TMEM178B: variants seen among roughly 807,000 people sequenced by gnomAD.
TMEM178B encodes transmembrane protein 178B.
Under a neutral mutation model 31.0 loss-of-function variants are expected in TMEM178B, and 5 were observed. The ratio of observed to expected loss-of-function variants is 0.16; its 90% CI spans 0.08 to 0.34. The LOEUF (loss-of-function observed/expected upper bound fraction) is 0.34. TMEM178B is among the 10% of genes least tolerant of loss of function. TMEM178B has a pLI of 1.00. For synonymous variants in TMEM178B, 164 were observed against 164.0 expected, an observed-to-expected ratio of 1.00 and a Z score of 0.00; for missense variants, 275 against 400.3, an observed-to-expected ratio of 0.69 and a Z score of 2.67.
Position 141,428,054 on chromosome 7 carries a change from G to A in TMEM178B, c.497-9554G>A, listed in dbSNP as rs1422130600. The stretch of plus-strand genomic sequence containing the variant: ...AGGAGAGGACTCCCTGTGAATGCCA[G>A]GTGACCATCAGGTGATGGCCAGTCA... On this transcript the variant is annotated intron_variant, in intron 2 of 3. Transcript: ENST00000565468. 3.3e-5 allele frequency among the ~76,000 whole-genome samples: 5 copies of A among 152,146 alleles called. No homozygotes were observed. In the East Asian group the frequency reaches 9.6e-4, roughly 29 times the overall value.
chr7:141,092,206 T>A (rs1249214523), intron 1 of TMEM178B, among the ~76,000 whole-genome samples: 1 of 152,132 alleles, frequency 6.6e-6, no homozygotes, highest in Non-Finnish European at 1.5e-5. Flanking sequence ...ACCCTACCAA[T>A]TTAAAAAAAT....
At chr7:141,371,171 A>C (rs1320624295) in intron 2 of TMEM178B, among the ~76,000 whole-genome samples, 2 of 152,324 alleles carry the variant, frequency 1.3e-5, no homozygotes, top group Non-Finnish European at 1.5e-5. Flanking sequence ...TTTGGTCCCC[A>C]ATATTAGAGA....
chr7:141,192,994 A>G (rs1362744138), intron 1 of TMEM178B, among the ~76,000 whole-genome samples: 1 of 152,116 alleles, frequency 6.6e-6, no homozygotes, highest in Non-Finnish European at 1.5e-5. Flanking sequence ...GAAAATGGAA[A>G]TTTCTCCAAT....
chr7:141,332,984 GC>G (rs1358984619), intron 2 of TMEM178B, among the ~76,000 whole-genome samples: 1 of 152,124 alleles, frequency 6.6e-6, no homozygotes, highest in Non-Finnish European at 1.5e-5. Flanking sequence ...GGAAGAGTTG[GC>G]CCATCCATTT....
chr7:141,204,122 G>A (rs192066735), intron 1 of TMEM178B, among the ~76,000 whole-genome samples: 40 of 152,320 alleles, frequency 2.6e-4, no homozygotes, highest in African/African-American at 9.1e-4. Flanking sequence ...CTTAGTTTGG[G>A]TTCTTCCAAA....
At chr7:141,076,635 C>T (rs559423281) in intron 1 of TMEM178B, among the ~76,000 whole-genome samples, 5 of 152,210 alleles carry the variant, frequency 3.3e-5, no homozygotes, top group South Asian at 2.1e-4. Context: ...CATGTTCTTC[C>T]GGTGAAGCTG....
chr7:141,442,511 A>G (rs1305085466), intron 3 of TMEM178B, among the ~76,000 whole-genome samples: 1 of 152,236 alleles, frequency 6.6e-6, no homozygotes, highest in Non-Finnish European at 1.5e-5. Context: ...AATCAGGCTC[A>G]TGCTGCCTCT....
At chr7:141,165,087 A>G (rs1796237763) in intron 1 of TMEM178B, among the ~76,000 whole-genome samples, 1 of 152,222 alleles carries the variant, frequency 6.6e-6, no homozygotes, top group Non-Finnish European at 1.5e-5. Context: ...AACATCTTAC[A>G]AAACCATGGT....
At chr7:141,103,529 T>C (rs1012093680) in intron 1 of TMEM178B, among the ~76,000 whole-genome samples, 6 of 152,230 alleles carry the variant, frequency 3.9e-5, no homozygotes, top group Non-Finnish European at 8.8e-5. Context: ...ATGAGTTTTT[T>C]GAGGGCTCTA....
the TMEM178B span, among the ~76,000 whole-genome samples, chr7:141,503,228 A>C: frequency 6.6e-6 from 1 of 152,246 alleles, no homozygotes; most frequent in Non-Finnish European, 1.5e-5. Context: ...TTCATCTGTT[A>C]AAGCAGCTAG....
Position 141,344,813 on chromosome 7 carries a change from G to A in TMEM178B, c.497-92795G>A, listed in dbSNP as rs1285109007. ...TTCAAACTTTTGGAACTCAGAACGA[G>A]CTGTCTGTTAACTGTGGCTCTGCCA... On this transcript the variant is annotated intron_variant, in intron 2 of 3. Transcript: ENST00000565468. The surrounding 1 kb of genome is among the most constrained non-coding windows in gnomAD (Gnocchi z 4.1). Among the ~76,000 whole-genome samples, 4 of 152,204 alleles carry A rather than the reference G, an allele frequency of 2.6e-5. No individual in the cohort carries two copies. Among genetic ancestry groups the A allele is most frequent in the Non-Finnish European group, 1.5e-5 (1 of 68,040 alleles).
At position 141,297,433 on chromosome 7, in the gene TMEM178B, T is replaced by G. The variant is rs549525928; in HGVS notation, c.496+84729T>G. ...CAGGTCTGTTACATATGTATACATG[T>G]GCAATGTTGGTGTGCTGCACCCATT... On this transcript the variant is annotated intron_variant, in intron 2 of 3. Coordinates refer to ENST00000565468, the MANE Select transcript of TMEM178B (RefSeq NM_001195278.2). Among the ~76,000 whole-genome samples, 26 of 152,318 alleles carry G rather than the reference T, an allele frequency of 1.7e-4. No homozygotes were observed. In the South Asian group the frequency reaches 4.8e-3, roughly 28 times the overall value.
intron 1 of TMEM178B, among the ~76,000 whole-genome samples, chr7:141,123,172 G>A (rs902673616): frequency 7.2e-5 from 11 of 152,212 alleles, no homozygotes; most frequent in African/African-American, 2.7e-4. Context: ...GGATACACAG[G>A]AAAATAGAAA....
chr7:141,332,355 G>T (rs1799313385), intron 2 of TMEM178B, among the ~76,000 whole-genome samples: 1 of 152,176 alleles, frequency 6.6e-6, no homozygotes, highest in East Asian at 1.9e-4. Flanking sequence ...TCAACTGGCT[G>T]CTGTTAACAT....
intron 2 of TMEM178B, among the ~76,000 whole-genome samples, chr7:141,417,437 G>A (rs139140055): frequency 6.6e-6 from 1 of 152,292 alleles, no homozygotes; most frequent in African/African-American, 2.4e-5. Flanking sequence ...TCTCTTCAGG[G>A]CCTAGAATAA....
At chr7:141,406,505 G>C (rs1800887872) in intron 2 of TMEM178B, among the ~76,000 whole-genome samples, 1 of 152,186 alleles carries the variant, frequency 6.6e-6, no homozygotes, top group Non-Finnish European at 1.5e-5. Flanking sequence ...ATCACTTGGA[G>C]AGCTGTGTCT....
chr7:141,104,251 T>C (rs1415978383), intron 1 of TMEM178B, among the ~76,000 whole-genome samples: 1 of 152,166 alleles, frequency 6.6e-6, no homozygotes, highest in African/African-American at 2.4e-5. Flanking sequence ...TGGCCCCTGC[T>C]GTAGAGGTGA....
intron 1 of TMEM178B, among the ~76,000 whole-genome samples, chr7:141,194,143 A>G (rs573070026): frequency 6.6e-6 from 1 of 152,112 alleles, no homozygotes; most frequent in East Asian, 1.9e-4. Flanking sequence ...ACACAGCCAA[A>G]CCATATCATT....
chr7:141,095,107 T>G (rs908783427), intron 1 of TMEM178B, among the ~76,000 whole-genome samples: 6 of 152,156 alleles, frequency 3.9e-5, no homozygotes, highest in African/African-American at 1.4e-4. Context: ...ACTTTGTAGG[T>G]TTTTTGAGAA....
Sources: allele counts gnomAD v4.1 joint callset (sites outside exome capture counted in the v4.1 genomes callset), GRCh38; gene constraint gnomAD v4.1.1; non-coding constraint Gnocchi (gnomAD v3.1); transcripts MANE v1.5; gene names NCBI Gene and HGNC (gene_info 2026-07-23, HGNC 2026-07-21).